Variants in PCDH11X observed in about 807,000 individuals in gnomAD.
The protein encoded by PCDH11X is protocadherin 11 X-linked, also known as protocadherin-11 X-linked.
PCDH11X carries 18 observed loss-of-function variants against 53.3 expected under a neutral mutation model. The observed-to-expected ratio is 0.34, with a 90% confidence interval of 0.23 to 0.50. The LOEUF is 0.50. PCDH11X is among the 20% of genes least tolerant of loss of function. The pLI is 0.98. For synonymous variants in PCDH11X, 279 were observed against 393.3 expected (o/e 0.71, Z 3.44); for missense variants, 570 against 1,032.4 (o/e 0.55, Z 6.14).
At chrX:92,130,325 CTG>C (rs1477384026) in intron 6 of PCDH11X, among the ~76,000 whole-genome samples, 2 of 110,687 alleles carry the variant, frequency 1.8e-5, no homozygotes, top group Non-Finnish European at 3.8e-5. Flanking sequence ...AGTAGAAAAA[CTG>C]TTAGCAGTTT....
At chrX:92,352,191 G>A (rs753562300) in intron 8 of PCDH11X, among the ~76,000 whole-genome samples, 7 of 111,540 alleles carry the variant, frequency 6.3e-5, no homozygotes, top group Non-Finnish European at 1.3e-4. Flanking sequence ...TTTGCCTTGA[G>A]TAAATGTATT....
At chrX:92,216,217 C>T (rs904202917) in intron 7 of PCDH11X, among the ~76,000 whole-genome samples, 10 of 110,814 alleles carry the variant, frequency 9.0e-5, no homozygotes, top group African/African-American at 2.3e-4. Context: ...ATGACTTTGA[C>T]GAGCTGAGAG....
intron 10 of PCDH11X, among the ~76,000 whole-genome samples, chrX:92,473,060 G>A (rs1478605269): frequency 9.4e-6 from 1 of 106,385 alleles, no homozygotes; most frequent in East Asian, 2.9e-4. Flanking sequence ...TTTAGATATA[G>A]GGTCATGTCA....
intron 9 of PCDH11X, among the ~76,000 whole-genome samples, chrX:92,433,453 A>C (rs2148627467): frequency 9.0e-6 from 1 of 110,776 alleles, no homozygotes; most frequent in South Asian, 3.8e-4. Context: ...ATTAACAGAA[A>C]GTCTTCTGAA....
At chrX:92,148,048 T>A (rs1357971102) in intron 6 of PCDH11X, among the ~76,000 whole-genome samples, 6 of 56,399 alleles carry the variant, frequency 1.1e-4, no homozygotes, top group African/African-American at 7.7e-4. Context: ...TTCCCTTCCT[T>A]CCTTCCTTCC....
At chrX:92,407,013 A>G (rs1000523827) in intron 9 of PCDH11X, among the ~76,000 whole-genome samples, 2 of 99,973 alleles carry the variant, frequency 2.0e-5, no homozygotes, top group Non-Finnish European at 4.0e-5. Flanking sequence ...CTCTCTCTCC[A>G]GAGTAACTCA....
At chrX:92,465,596 A>G (rs1475647679) in intron 9 of PCDH11X, among the ~76,000 whole-genome samples, 1 of 111,920 alleles carries the variant, frequency 8.9e-6, no homozygotes, top group Non-Finnish European at 1.9e-5. Context: ...TTGACCTATA[A>G]GCTCTTCAAA....
intron 8 of PCDH11X, among the ~76,000 whole-genome samples, chrX:92,387,338 CAA>C (rs368877031): frequency 1.8e-5 from 2 of 111,459 alleles, no homozygotes; most frequent in Middle Eastern, 4.7e-3. Flanking sequence ...ACAGATACAG[CAA>C]AAAAGTATGG....
intron 1 of PCDH11X, among the ~76,000 whole-genome samples, chrX:91,791,110 T>C (rs1179912640): frequency 9.3e-6 from 1 of 107,333 alleles, no homozygotes; most frequent in African/African-American, 3.4e-5. Context: ...TTGTAAGTGC[T>C]AAATGAACTT....
At chrX:91,973,101 T>G (rs1350503842) in intron 6 of PCDH11X, among the ~76,000 whole-genome samples, 5 of 109,219 alleles carry the variant, frequency 4.6e-5, no homozygotes, top group Admixed American at 2.9e-4. Context: ...TGGAATACTA[T>G]GCAGCCATAA....
intron 4 of PCDH11X, among the ~76,000 whole-genome samples, chrX:91,833,582 A>G (rs1433360626): frequency 1.8e-5 from 2 of 111,652 alleles, no homozygotes; most frequent in Non-Finnish European, 3.8e-5. Context: ...TGCTTAACAT[A>G]GGAAAGTCAT....
At chrX:92,090,064 G>T (rs1286224367) in intron 6 of PCDH11X, among the ~76,000 whole-genome samples, 1 of 109,941 alleles carries the variant, frequency 9.1e-6, no homozygotes, top group Non-Finnish European at 1.9e-5. Flanking sequence ...TCTACATTTT[G>T]AACTACATCG....
intron 10 of PCDH11X, among the ~76,000 whole-genome samples, chrX:92,498,672 C>T (rs2073903118): frequency 1.9e-5 from 2 of 106,101 alleles, no homozygotes; most frequent in Admixed American, 2.1e-4. Flanking sequence ...AATAATGTAG[C>T]AATTATGAGG....
intron 9 of PCDH11X, chrX:92,460,716 G>A (rs1603334837): frequency 2.9e-6 from 3 of 1,030,758 alleles, no homozygotes; most frequent in Non-Finnish European, 4.0e-6. Flanking sequence ...GCACAGACCC[G>A]GGCAGAGAGA....
At chrX:92,306,816 C>T (rs1245989652) in intron 8 of PCDH11X, among the ~76,000 whole-genome samples, 1 of 110,472 alleles carries the variant, frequency 9.1e-6, no homozygotes, top group African/African-American at 3.3e-5. Context: ...CGAGCGTGGT[C>T]GTGCGTGCCT....
chrX:92,039,581 C>G (rs2063179649), intron 6 of PCDH11X, among the ~76,000 whole-genome samples: 1 of 111,260 alleles, frequency 9.0e-6, no homozygotes, highest in African/African-American at 3.3e-5. Context: ...GTGGTAAATG[C>G]TGCCAGGCCT....
At chrX:92,152,795 G>GTATGTATGTATT (rs758903864) in intron 6 of PCDH11X, among the ~76,000 whole-genome samples, 36 of 76,661 alleles carry the variant, frequency 4.7e-4, no homozygotes, top group Admixed American at 1.4e-3. Context: ...ATGTATGTAT[G>GTATGTATGTATT]TATTTATTTA....
At chrX:92,595,252 C>T (rs1021767225) in intron 10 of PCDH11X, among the ~76,000 whole-genome samples, 5 of 109,519 alleles carry the variant, frequency 4.6e-5, no homozygotes, top group African/African-American at 1.7e-4. Flanking sequence ...TAAAGAATGT[C>T]ACTTCCTGAC....
intron 10 of PCDH11X, among the ~76,000 whole-genome samples, chrX:92,516,032 C>G (rs1243344593): frequency 1.8e-5 from 2 of 111,974 alleles, no homozygotes; most frequent in Non-Finnish European, 3.8e-5. Flanking sequence ...AGACCTTTTT[C>G]TGCTTATAAG....
Sources: allele counts gnomAD v4.1 joint callset (sites outside exome capture counted in the v4.1 genomes callset), GRCh38; gene constraint gnomAD v4.1.1; transcripts MANE v1.5; gene names NCBI Gene and HGNC (gene_info 2026-07-23, HGNC 2026-07-21).